GRID1: variants seen among roughly 807,000 people sequenced by gnomAD.
GRID1 encodes glutamate receptor ionotropic, delta-1.
In GRID1, 28 loss-of-function variants were observed where a neutral mutation model predicts 98.0. The ratio of observed to expected loss-of-function variants is 0.29; its 90% CI spans 0.21 to 0.39. GRID1 has a LOEUF of 0.39. Ranked by LOEUF, GRID1 falls within the 10% of genes least tolerant of loss-of-function variation. The probability of loss-of-function intolerance (pLI) is 1.00; values close to 1 mark genes in which losing one functional copy is unlikely to be tolerated. For synonymous variants in GRID1, 553 were observed against 538.5 expected (o/e 1.03, Z -0.37); for missense variants, 1,111 against 1,340.5 (o/e 0.83, Z 2.67).
intron 3 of GRID1, among the ~76,000 whole-genome samples, chr10:86,201,148 A>G (rs1179544684): frequency 6.6e-6 from 1 of 152,236 alleles, no homozygotes; most frequent in East Asian, 1.9e-4. Flanking sequence ...TGGTAATAAC[A>G]AAATCCTGGA....
intron 4 of GRID1, among the ~76,000 whole-genome samples, chr10:85,946,077 G>A (rs866473058): frequency 6.6e-6 from 1 of 152,270 alleles, no homozygotes; most frequent in Middle Eastern, 3.4e-3. Context: ...AATAGGGTCA[G>A]CAATCCTCAA....
At chr10:86,332,960 C>T (rs1429400916) in intron 2 of GRID1, among the ~76,000 whole-genome samples, 1 of 152,200 alleles carries the variant, frequency 6.6e-6, no homozygotes, top group Non-Finnish European at 1.5e-5. Context: ...AGCCCACCTT[C>T]CACCAGGGTG....
At chr10:85,961,485 A>T (rs1456194377) in intron 4 of GRID1, among the ~76,000 whole-genome samples, 2 of 152,158 alleles carry the variant, frequency 1.3e-5, no homozygotes, top group Non-Finnish European at 2.9e-5. Context: ...CAAAGACCTC[A>T]GGACCCACCA....
intron 4 of GRID1, among the ~76,000 whole-genome samples, chr10:86,091,511 C>T (rs1358304908): frequency 1.3e-5 from 2 of 152,032 alleles, no homozygotes; most frequent in African/African-American, 4.8e-5. Flanking sequence ...AGCTCAGACA[C>T]GCCTAGCCCC....
At chr10:86,287,103 C>G (rs1401619025) in intron 2 of GRID1, among the ~76,000 whole-genome samples, 1 of 152,186 alleles carries the variant, frequency 6.6e-6, no homozygotes, top group African/African-American at 2.4e-5. Flanking sequence ...CAGAAGGATG[C>G]ACAGGACAGC....
At chr10:85,902,474 G>C (rs988140937) in intron 5 of GRID1, among the ~76,000 whole-genome samples, 4 of 152,190 alleles carry the variant, frequency 2.6e-5, no homozygotes, top group Non-Finnish European at 4.4e-5. Context: ...GATAAGGAGG[G>C]ACAACTGCAA....
At chr10:86,321,215 A>G (rs17106562) in intron 2 of GRID1, among the ~76,000 whole-genome samples, 2,564 of 152,256 alleles carry the variant, frequency 0.017, 45 homozygotes, top group African/African-American at 0.044. Flanking sequence ...AATAGTGATT[A>G]TGAAGAAATT....
At chr10:85,645,164 T>C (rs1178808197) in intron 13 of GRID1, among the ~76,000 whole-genome samples, 1 of 152,178 alleles carries the variant, frequency 6.6e-6, no homozygotes, top group Non-Finnish European at 1.5e-5. Flanking sequence ...TTTTTTTTTC[T>C]AAGCAGTGCT....
chr10:85,634,998 G>GAAAAAAAA lies in GRID1; in HGVS notation c.2193+12196_2193+12203dup, dbSNP rs140144576. Among the ~76,000 whole-genome samples the GAAAAAAAA allele has an allele frequency of 7.1e-4, 25 of 35,006 alleles. 3 individuals are homozygous for GAAAAAAAA. The highest frequency in any genetic ancestry group is 1.2e-3 in the African/African-American group (13 of 10,942). 23.0% of individuals were successfully genotyped at this position (35,006 alleles called of 152,430 possible). A position where few individuals can be genotyped will look rare whatever the true frequency, so the allele number is the denominator to read the frequency against. On this transcript the variant is annotated intron_variant, in intron 13 of 15. Coordinates refer to ENST00000327946, the MANE Select transcript of GRID1 (RefSeq NM_017551.3). Reference sequence around the variant, plus strand: ...GCAAATTACAGGGCAGAGGAAATCTGAAAAAAAAAAAAAAAAAAAAAAAAA... The same window carrying GAAAAAAAA: ...GCAAATTACAGGGCAGAGGAAATCTGAAAAAAAAAAAAAAAAAAAAAAAAAAAAAAAAA...
At chr10:85,701,730 G>T (rs1841453171) in intron 12 of GRID1, among the ~76,000 whole-genome samples, 1 of 152,138 alleles carries the variant, frequency 6.6e-6, no homozygotes, top group African/African-American at 2.4e-5. Flanking sequence ...ACTCAGGAAT[G>T]AAAAACCAAA....
intron 4 of GRID1, among the ~76,000 whole-genome samples, chr10:85,945,699 T>C (rs992675476): frequency 1.3e-5 from 2 of 152,238 alleles, no homozygotes; most frequent in Non-Finnish European, 2.9e-5. Context: ...CCCAGGTTTT[T>C]AGGATGATAA....
intron 2 of GRID1, among the ~76,000 whole-genome samples, chr10:86,258,632 A>T (rs542620639): frequency 6.6e-6 from 1 of 152,328 alleles, no homozygotes; most frequent in East Asian, 1.9e-4. Flanking sequence ...CTTGTTCAAA[A>T]GAGGCCTCTG....
intron 3 of GRID1, among the ~76,000 whole-genome samples, chr10:86,155,041 G>A (rs1845225063): frequency 1.3e-5 from 2 of 152,210 alleles, no homozygotes; most frequent in Admixed American, 1.3e-4. Flanking sequence ...CAAAGCCCCT[G>A]CCCTGAGTCT....
chr10:86,046,968 C>T (rs989888898), intron 4 of GRID1, among the ~76,000 whole-genome samples: 1 of 151,982 alleles, frequency 6.6e-6, no homozygotes, highest in Non-Finnish European at 1.5e-5. Context: ...AGGCCACATG[C>T]GCTCCCCCAG....
intron 4 of GRID1, among the ~76,000 whole-genome samples, chr10:86,032,360 C>G (rs548523049): frequency 6.6e-6 from 1 of 151,940 alleles, no homozygotes; most frequent in East Asian, 1.9e-4. Context: ...GCCATGATGA[C>G]GATGGCAGTT....
At chr10:85,675,181 T>C (rs1262300169) in intron 12 of GRID1, among the ~76,000 whole-genome samples, 1 of 152,200 alleles carries the variant, frequency 6.6e-6, no homozygotes, top group Non-Finnish European at 1.5e-5. Flanking sequence ...TTGGAGGGTC[T>C]AGAAGATACC....
At chr10:86,022,678 G>A (rs1387763808) in intron 4 of GRID1, among the ~76,000 whole-genome samples, 2 of 152,136 alleles carry the variant, frequency 1.3e-5, no homozygotes, top group African/African-American at 4.8e-5. Context: ...AGCACTTTGG[G>A]AGGCCGAGGA....
chr10:85,880,384 G>A (rs1255245665), intron 5 of GRID1, among the ~76,000 whole-genome samples: 5 of 152,178 alleles, frequency 3.3e-5, no homozygotes, highest in African/African-American at 1.2e-4. Flanking sequence ...TAAAATACTG[G>A]CAAACTGAAT....
At chr10:85,982,342 T>C (rs745557198) in intron 4 of GRID1, among the ~76,000 whole-genome samples, 1 of 152,114 alleles carries the variant, frequency 6.6e-6, no homozygotes, top group Non-Finnish European at 1.5e-5. Flanking sequence ...AAAAAAACTT[T>C]GGATTTTATT....
Sources: allele counts gnomAD v4.1 joint callset (sites outside exome capture counted in the v4.1 genomes callset), GRCh38; gene constraint gnomAD v4.1.1; transcripts MANE v1.5; gene names NCBI Gene and HGNC (gene_info 2026-07-23, HGNC 2026-07-21).